Variants in ZNF470 observed in about 807,000 individuals in gnomAD.
The protein encoded by ZNF470 is chondrogenesis zinc finger protein 1.
Under a neutral mutation model 13.9 loss-of-function variants are expected in ZNF470, and 13 were observed. That is an observed-to-expected ratio of 0.94 (90% confidence interval 0.61 to 1.49). ZNF470 has a LOEUF of 1.49. Among genes scored for constraint, ZNF470 ranks in the 40% most tolerant of loss-of-function variants. ZNF470 has a pLI of 0.00. For missense variants in ZNF470, 929 were observed against 857.3 expected, an observed-to-expected ratio of 1.08 and a Z score of -1.04; for synonymous variants, 293 against 282.9, an observed-to-expected ratio of 1.04 and a Z score of -0.36.
Position 56,574,700 on chromosome 19 carries a change from A to G in ZNF470, c.250A>G (p.Ile84Val). 1.3e-5 allele frequency: 21 copies of G among 1,613,822 alleles called. No homozygotes were observed. The highest frequency in any genetic ancestry group is 1.8e-5 in the Non-Finnish European group (21 of 1,179,810). Residue 84 changes from isoleucine (I) to valine (V), a missense_variant, in exon 5 of 6, where the codon ATA (isoleucine) becomes GTA (valine). Transcript: ENST00000330619. ...GGAGCAAGAGAAAGACCCTTGGGTG[A>G]TAAAAGGAGGGATGAACAGAGGCCT... ...LLEQEKDPWVIKGGMNRGLCP... is the reference protein window; with the variant it reads ...LLEQEKDPWVVKGGMNRGLCP...
chr19:56,575,984 A>T (rs1238361297), intron 5 of ZNF470, among the ~76,000 whole-genome samples: 3 of 152,212 alleles, frequency 2.0e-5, no homozygotes, highest in African/African-American at 7.2e-5. Flanking sequence ...TAGAAACAGT[A>T]GCGCTACTGA....
Position 56,567,870 on chromosome 19 carries a change from C to G in ZNF470, c.-327C>G, listed in dbSNP as rs1375181869. ...ACCCCGTTCTCCCCTGTATCGACTG[C>G]GTAGAGCCCAGTGTGGGCAAAGTCC... is the stretch of plus-strand genomic sequence containing the variant. On this transcript the variant is annotated 5_prime_UTR_variant, in exon 1 of 6. Coordinates refer to ENST00000330619, the MANE Select transcript of ZNF470 (RefSeq NM_001001668.4). 3 of 985,142 alleles carry G rather than the reference C, an allele frequency of 3.0e-6. No individual in the cohort carries two copies. The East Asian group carries it at 3.4e-4, about 113-fold the overall frequency. The allele number at this position is 985,142 out of a possible 1,614,324, so 61.0% of individuals were successfully genotyped here.
In ZNF470 at chr19:56,578,413, G is replaced by T. The variant is rs375218755; in HGVS notation, c.1984G>T (p.Ala662Ser). ...ATGTAGCAAAGCCTTCAGCCAGGTT[G>T]CCCATCTTACTCTACATAAGAGAAT... is the stretch of plus-strand genomic sequence containing the variant. ...KECSKAFSQV[A>S]HLTLHKRIHT... The change falls in exon 6 of 6, where the codon GCC (alanine) becomes TCC (serine). Residue 662 changes from alanine (A) to serine (S), a missense_variant. Transcript: ENST00000330619. 3 of 1,610,150 alleles carry T rather than the reference G, an allele frequency of 1.9e-6. No homozygotes were observed. Among genetic ancestry groups the T allele is most frequent in the African/African-American group, 1.3e-5 (1 of 74,764 alleles).
chr19:56,577,372 A>G lies in ZNF470; in HGVS notation c.943A>G (p.Lys315Glu). 1 of 1,613,840 alleles carries G rather than the reference A, an allele frequency of 6.2e-7. No individual in the cohort carries two copies. The highest frequency in any genetic ancestry group is 8.5e-7 in the Non-Finnish European group (1 of 1,179,870). Residue 315 changes from lysine (K) to glutamate (E), a missense_variant, in exon 6 of 6, where the codon AAG (lysine) becomes GAG (glutamate). Lys to Glu is a moderately conservative substitution (Grantham distance 56). Transcript: ENST00000330619. ...VHTGEKPYQCKQCNKAFSQLA... is the reference protein window; with the variant it reads ...VHTGEKPYQCEQCNKAFSQLA... Reference sequence around the variant, plus strand: ...TACTGGAGAGAAACCTTATCAGTGTAAGCAGTGTAATAAAGCATTCAGCCA... The same window carrying G: ...TACTGGAGAGAAACCTTATCAGTGTGAGCAGTGTAATAAAGCATTCAGCCA...
chr19:56,576,479 T>C (rs1444377140), intron 5 of ZNF470, among the ~76,000 whole-genome samples: 1 of 152,178 alleles, frequency 6.6e-6, no homozygotes, highest in African/African-American at 2.4e-5. Flanking sequence ...ACCTCAATTA[T>C]CAATATTGGT....
rs748925075 is a variant in ZNF470, at chr19:56,577,094, G to T, written c.665G>T (p.Arg222Leu). 6.0e-5 allele frequency: 96 copies of T among 1,607,162 alleles called. No homozygotes were observed. Among genetic ancestry groups the T allele is most frequent in the Non-Finnish European group, 8.0e-5 (94 of 1,178,140 alleles). ...HSVVKKHKQDRGEKKLLKCND... is the reference protein window; with the variant it reads ...HSVVKKHKQDLGEKKLLKCND... ...GTTGTGAAAAAACACAAGCAAGACC[G>T]TGGAGAAAAGAAACTTTTAAAATGT... The change falls in exon 6 of 6, where the codon CGT becomes CTT. Residue 222 changes from arginine to leucine, a missense_variant. Transcript: ENST00000330619.
At chr19:56,576,280 A>G (rs937623338) in intron 5 of ZNF470, among the ~76,000 whole-genome samples, 1 of 152,194 alleles carries the variant, frequency 6.6e-6, no homozygotes, top group Non-Finnish European at 1.5e-5. Context: ...GTTGTATAGG[A>G]ACTGCCTCCC....
chr19:56,577,940 C>A lies in ZNF470; in HGVS notation c.1511C>A (p.Thr504Asn). Reference protein sequence around the residue: ...THLAHHQRIHTGEKPYECKEC... With the variant: ...THLAHHQRIHNGEKPYECKEC... ...CTGGCTCATCATCAGAGAATTCATA[C>A]TGGAGAGAAACCTTATGAATGTAAG... is the stretch of plus-strand genomic sequence containing the variant. The change falls in exon 6 of 6, where the codon ACT (threonine) becomes AAT (asparagine). Residue 504 changes from threonine (T) to asparagine (N), a missense_variant. Coordinates refer to ENST00000330619, the MANE Select transcript of ZNF470 (RefSeq NM_001001668.4). 1 of 1,614,058 alleles carries A rather than the reference C, an allele frequency of 6.2e-7. No homozygotes were observed. The highest frequency in any genetic ancestry group is 8.5e-7 in the Non-Finnish European group (1 of 1,180,006).
Position 56,577,483 on chromosome 19 carries a change from T to C in ZNF470, c.1054T>C (p.Cys352Arg). The change falls in exon 6 of 6, where the codon TGC becomes CGC. Residue 352 changes from cysteine (C) to arginine (R), a missense_variant. Transcript: ENST00000330619. ...TGAATGTGGGAAGGCTTTTAGTGAT[T>C]GCTCATCCCTAGCTCATCATCGAAG... ...CIECGKAFSD[C>R]SSLAHHRRIH... 6.2e-7 allele frequency: 1 copy of C among 1,612,628 alleles called. No individual in the cohort carries two copies. The highest frequency in any genetic ancestry group is 8.5e-7 in the Non-Finnish European group (1 of 1,179,280).
rs2044506416 is a variant in ZNF470 at position 56,578,122 on chromosome 19, T to TA, written c.1694dup (p.Tyr565Ter). The change falls in exon 6 of 6, where the codon TAC becomes TAAC. Residue 565 changes from tyrosine (Y) to a stop codon, truncating the protein, a stop_gained and frameshift_variant. Transcript: ENST00000330619. LOFTEE classifies it low-confidence loss of function (END_TRUNC). ...HQRVHTGEKP[Y>*]ECIECGKAFS... ...GAGAGTTCATACTGGTGAGAAGCCT[T>TA]ACGAATGTATTGAATGTGGGAAGGC... 6.2e-7 allele frequency: 1 copy of TA among 1,614,018 alleles called. No individual in the cohort carries two copies. The highest frequency in any genetic ancestry group is 1.1e-5 in the South Asian group (1 of 91,088).
Position 56,581,825 on chromosome 19 carries a change from T to C in ZNF470, c.*3242T>C, listed in dbSNP as rs1936346993. On this transcript the variant is annotated 3_prime_UTR_variant, in exon 6 of 6. Coordinates refer to ENST00000330619, the MANE Select transcript of ZNF470 (RefSeq NM_001001668.4). The stretch of plus-strand genomic sequence containing the variant: ...TTGATGGACGTGGCCAATAAAATTG[T>C]CTCTGAATTTCAAAAGGCATTTGGA... 1.0e-6 allele frequency: 1 copy of C among 985,404 alleles called. No individual in the cohort carries two copies. The highest frequency in any genetic ancestry group is 1.7e-5 in the African/African-American group (1 of 57,342). 61.0% of individuals were successfully genotyped at this position (985,404 alleles called of 1,614,324 possible).
At position 56,570,251 on chromosome 19, in the gene ZNF470, G is replaced by A. The variant is rs143449342; in HGVS notation, c.-32-29G>A. On this transcript the variant is annotated intron_variant, in intron 2 of 5. Coordinates refer to ENST00000330619, the MANE Select transcript of ZNF470 (RefSeq NM_001001668.4). ...CAGACTTTGATTATTAGTGCTACTTGGTTTCTCACTACTTCTTTTTCTCCC... is the reference window on the plus strand; with the variant it reads ...CAGACTTTGATTATTAGTGCTACTTAGTTTCTCACTACTTCTTTTTCTCCC... 1,012 of 1,509,932 alleles carry A rather than the reference G, an allele frequency of 6.7e-4. 9 individuals are homozygous for A. In the African/African-American group the frequency reaches 0.012, roughly 17 times the overall value. The allele number at this position is 1,509,932 out of a possible 1,614,324, so 93.5% of individuals were successfully genotyped here.
intron 3 of ZNF470, among the ~76,000 whole-genome samples, chr19:56,571,364 T>A (rs894408933): frequency 1.4e-4 from 21 of 152,196 alleles, no homozygotes; most frequent in African/African-American, 5.1e-4. Flanking sequence ...TTGACTAAAT[T>A]CCTAGTTTTT....
intron 5 of ZNF470, 98 bp downstream of exon 5, chr19:56,574,831 A>G: frequency 1.9e-6 from 2 of 1,065,178 alleles, no homozygotes; most frequent in Non-Finnish European, 2.7e-6. Flanking sequence ...TCCCAAACTG[A>G]AACTTGTTCT....
At position 56,582,645 on chromosome 19, in the gene ZNF470, T is replaced by C. The variant is rs2044543354; in HGVS notation, c.*4062T>C. The C allele has an allele frequency of 2.2e-6, 2 of 901,154 alleles. No homozygotes were observed. Among genetic ancestry groups the C allele is most frequent in the South Asian group, 1.0e-4 (2 of 19,534 alleles). The allele number at this position is 901,154 out of a possible 1,614,324, so 55.8% of individuals were successfully genotyped here. Reference sequence around the variant, plus strand: ...TTTGGACATAAGGCCTTTAAGAAACTAAGGTTAAGTTAGGCCATAAGAGTG... The same window carrying C: ...TTTGGACATAAGGCCTTTAAGAAACCAAGGTTAAGTTAGGCCATAAGAGTG... On this transcript the variant is annotated 3_prime_UTR_variant, in exon 6 of 6. Coordinates refer to ENST00000330619, the MANE Select transcript of ZNF470 (RefSeq NM_001001668.4).
chr19:56,578,077 G>T lies in ZNF470; in HGVS notation c.1648G>T (p.Ala550Ser), dbSNP rs747313662. Residue 550 changes from alanine (A) to serine (S), a missense_variant, in exon 6 of 6, where the codon GCA (alanine) becomes TCA (serine). Ala to Ser is a moderately conservative substitution (Grantham distance 99). Transcript: ENST00000330619. ...ATGTGGTAAGGCCTTCAGTCAGATT[G>T]CACACCTTGTTCAGCACCAGAGAGT... ...KECGKAFSQI[A>S]HLVQHQRVHT... 1.2e-5 allele frequency: 20 copies of T among 1,613,720 alleles called. No homozygotes were observed. Among genetic ancestry groups the T allele is most frequent in the Non-Finnish European group, 1.6e-5 (19 of 1,179,888 alleles).
Position 56,582,505 on chromosome 19 carries a change from T to C in ZNF470, c.*3922T>C, listed in dbSNP as rs2044542492. On this transcript the variant is annotated 3_prime_UTR_variant, in exon 6 of 6. Coordinates refer to ENST00000330619, the MANE Select transcript of ZNF470 (RefSeq NM_001001668.4). ...TTTATACTTTATTCACAAGAGTCAC[T>C]GTGAATTGAATTGTGAATTCAGTTC... 1.0e-6 allele frequency: 1 copy of C among 985,452 alleles called. No homozygotes were observed. Among genetic ancestry groups the C allele is most frequent in the East Asian group, 1.1e-4 (1 of 8,824 alleles). The allele number at this position is 985,452 out of a possible 1,614,324, so 61.0% of individuals were successfully genotyped here. A position where few individuals can be genotyped will look rare whatever the true frequency, so the allele number is the denominator to read the frequency against.
chr19:56,568,061 G>A (rs2044424318), intron 1 of ZNF470, 23 bp downstream of exon 1: 3 of 985,732 alleles, frequency 3.0e-6, no homozygotes, highest in African/African-American at 1.7e-5. Context: ...GATGACGGAT[G>A]TGGCTGCCGG....
At chr19:56,574,025 G>T (rs2044472249) in intron 3 of ZNF470, 1 of 874,030 alleles carries the variant, frequency 1.1e-6, no homozygotes, top group South Asian at 5.3e-5. Flanking sequence ...CAGTTCCAGA[G>T]CTCTTTAGCT....
Sources: allele counts gnomAD v4.1 joint callset (sites outside exome capture counted in the v4.1 genomes callset), GRCh38; gene constraint gnomAD v4.1.1; transcripts MANE v1.5; gene names NCBI Gene and HGNC (gene_info 2026-07-23, HGNC 2026-07-21).